The following CPEB3 variants were observed in gnomAD, a reference collection of about 807,000 sequenced individuals.
CPEB3 encodes the protein cytoplasmic polyadenylation element-binding protein 3.
In CPEB3, 20 loss-of-function variants were observed where a neutral mutation model predicts 67.2. The ratio of observed to expected loss-of-function variants is 0.30; its 90% CI spans 0.21 to 0.43. CPEB3 has a LOEUF of 0.43. CPEB3 is among the 20% of genes least tolerant of loss of function. The probability of loss-of-function intolerance (pLI) is 1.00; values close to 1 mark genes in which losing one functional copy is unlikely to be tolerated. For synonymous variants in CPEB3, 376 were observed against 393.1 expected (o/e 0.96, Z 0.51); for missense variants, 746 against 968.6 (o/e 0.77, Z 3.05).
intron 1 of CPEB3, among the ~76,000 whole-genome samples, chr10:92,275,971 C>T (rs1174364408): frequency 1.3e-5 from 2 of 151,246 alleles, no homozygotes; most frequent in Non-Finnish European, 2.9e-5. Context: ...GCCTCAGCCT[C>T]CCAAGTAGCT....
rs75622974 is a variant in CPEB3, at chr10:92,210,863, C to T, written c.1006-18227G>A. ...GACCAGCCTGGCCAAGATGATGAAACCCAGTCTGTATAAAAATACAAAAAT... is the reference window on the plus strand; with the variant it reads ...GACCAGCCTGGCCAAGATGATGAAATCCAGTCTGTATAAAAATACAAAAAT... On this transcript the variant is annotated intron_variant, in intron 2 of 9. Coordinates refer to ENST00000265997, the MANE Select transcript of CPEB3 (RefSeq NM_014912.5). Among the ~76,000 whole-genome samples the T allele has an allele frequency of 5.4e-3, 825 of 151,754 alleles. 8 individuals carry two copies. Among genetic ancestry groups the T allele is most frequent in the African/African-American group, 0.019 (787 of 41,322 alleles).
intron 7 of CPEB3, 41 bp from the exon 8 acceptor site, chr10:92,091,985 T>A (rs1157436119): frequency 8.4e-7 from 1 of 1,185,886 alleles, no homozygotes; most frequent in East Asian, 2.3e-5. Context: ...TTCATTTCCA[T>A]CAACCCCAAA....
At chr10:92,216,150 T>A (rs7912884) in intron 2 of CPEB3, among the ~76,000 whole-genome samples, 77 of 151,360 alleles carry the variant, frequency 5.1e-4, no homozygotes, top group Middle Eastern at 3.4e-3. Flanking sequence ...ATATATATAT[T>A]TTGATGGCTG....
At chr10:92,052,529 G>C in intron 9 of CPEB3, 90 bp from the exon 10 acceptor site, 3 of 1,103,178 alleles carry the variant, frequency 2.7e-6, no homozygotes, top group South Asian at 2.8e-5. Context: ...TAGCTTCAAC[G>C]TATGTCTCAA....
intron 2 of CPEB3, among the ~76,000 whole-genome samples, chr10:92,217,494 G>A (rs1005156477): frequency 2.0e-5 from 3 of 152,170 alleles, no homozygotes; most frequent in African/African-American, 7.2e-5. Context: ...GGGCGTGGTG[G>A]CTCATGCCTG....
intron 4 of CPEB3, among the ~76,000 whole-genome samples, chr10:92,148,542 G>A (rs1026995971): frequency 2.0e-5 from 3 of 151,958 alleles, no homozygotes; most frequent in Admixed American, 1.3e-4. Flanking sequence ...ATTTGGGTGC[G>A]TTTTTATTGA....
At chr10:92,083,979 G>A (rs937437179) in intron 8 of CPEB3, among the ~76,000 whole-genome samples, 2 of 151,948 alleles carry the variant, frequency 1.3e-5, no homozygotes, top group East Asian at 3.9e-4. Context: ...GTCAGGAGAT[G>A]GAGACCATCC....
At chr10:92,181,170 A>C in intron 3 of CPEB3, 151 bp from the exon 4 acceptor site, 3 of 509,226 alleles carry the variant, frequency 5.9e-6, no homozygotes, top group Non-Finnish European at 6.8e-6. Context: ...TTAAAAATTA[A>C]GTCATAAAAC....
chr10:92,119,542 G>A (rs1022813639), intron 6 of CPEB3, among the ~76,000 whole-genome samples: 11 of 152,180 alleles, frequency 7.2e-5, no homozygotes, highest in African/African-American at 2.4e-4. Context: ...GGGGACTGGG[G>A]GTGAGGGTTT....
At chr10:92,090,843 T>C (rs769363337) in intron 8 of CPEB3, among the ~76,000 whole-genome samples, 7 of 152,230 alleles carry the variant, frequency 4.6e-5, no homozygotes, top group South Asian at 2.1e-4. Flanking sequence ...GCATCTCTGC[T>C]GTTTTGCTTT....
intron 7 of CPEB3, among the ~76,000 whole-genome samples, chr10:92,108,899 C>T (rs189023549): frequency 6.6e-6 from 1 of 152,228 alleles, no homozygotes; most frequent in South Asian, 2.1e-4. Flanking sequence ...TCCATCTGAC[C>T]CCTACTGCTG....
chr10:92,160,784 C>G (rs189964331), intron 4 of CPEB3, among the ~76,000 whole-genome samples: 1 of 152,256 alleles, frequency 6.6e-6, no homozygotes, highest in African/African-American at 2.4e-5. Flanking sequence ...CACTAAACAT[C>G]CAAGTAATAT....
At chr10:92,193,692 C>T (rs958804934) in intron 2 of CPEB3, among the ~76,000 whole-genome samples, 8 of 151,516 alleles carry the variant, frequency 5.3e-5, no homozygotes, top group Non-Finnish European at 8.8e-5. Context: ...TGAGTGCAAA[C>T]GATAAAGACC....
At chr10:92,234,297 A>G (rs572101988) in intron 2 of CPEB3, among the ~76,000 whole-genome samples, 33 of 152,302 alleles carry the variant, frequency 2.2e-4, no homozygotes, top group Admixed American at 8.5e-4. Flanking sequence ...TCATAATATT[A>G]AAAAATATGT....
At chr10:92,089,738 G>A (rs1301678757) in intron 8 of CPEB3, among the ~76,000 whole-genome samples, 2 of 151,946 alleles carry the variant, frequency 1.3e-5, no homozygotes, top group African/African-American at 2.4e-5. Flanking sequence ...AGCTGAGATC[G>A]GGCCATTGCA....
chr10:92,081,650 T>G (rs1820087104), intron 8 of CPEB3, 149 bp from the exon 9 acceptor site: 3 of 718,136 alleles, frequency 4.2e-6, no homozygotes, highest in Non-Finnish European at 4.5e-6. Context: ...ACACCAGTCT[T>G]ACAACTCAAG....
intron 6 of CPEB3, among the ~76,000 whole-genome samples, chr10:92,125,594 C>T (rs1845575309): frequency 6.6e-6 from 1 of 152,138 alleles, no homozygotes; most frequent in South Asian, 2.1e-4. Flanking sequence ...GCTCCAGTGA[C>T]AGCAACTTTG....
At chr10:92,188,628 G>C (rs1476026587) in intron 3 of CPEB3, among the ~76,000 whole-genome samples, 1 of 152,062 alleles carries the variant, frequency 6.6e-6, no homozygotes, top group Non-Finnish European at 1.5e-5. Context: ...GCTGAGGCAG[G>C]AGAATTGCTT....
At chr10:92,106,833 A>C (rs1270153371) in intron 7 of CPEB3, among the ~76,000 whole-genome samples, 1 of 150,570 alleles carries the variant, frequency 6.6e-6, no homozygotes, top group African/African-American at 2.4e-5. Flanking sequence ...AAAAAAAAAA[A>C]AAAAAAAGAA....
Sources: gnomAD v4.1 joint callset for allele counts (sites outside exome capture counted in the v4.1 genomes callset) on GRCh38, gnomAD v4.1.1 for gene constraint, MANE v1.5 for transcripts, NCBI Gene and HGNC (gene_info 2026-07-23, HGNC 2026-07-21) for gene names.